CCNJL: variants seen among roughly 807,000 people sequenced by gnomAD.
The protein encoded by CCNJL is cyclin-J-like protein.
In CCNJL, 33 loss-of-function variants were observed where a neutral mutation model predicts 33.4. The ratio of observed to expected loss-of-function variants is 0.99; its 90% confidence interval spans 0.75 to 1.32. The LOEUF is 1.32. CCNJL is among the 40% of genes most tolerant of loss of function. The probability of loss-of-function intolerance (pLI) is 0.00; values close to 1 mark genes in which losing one functional copy is unlikely to be tolerated. For synonymous variants in CCNJL, 227 were observed against 220.9 expected, an observed-to-expected ratio of 1.03 and a Z score of -0.24; for missense variants, 512 against 499.7, an observed-to-expected ratio of 1.02 and a Z score of -0.23.
intron 2 of CCNJL, among the ~76,000 whole-genome samples, chr5:160,287,021 C>T (rs1190579140): frequency 6.6e-6 from 1 of 152,152 alleles, no homozygotes; most frequent in African/African-American, 2.4e-5. Flanking sequence ...GTACCAACCA[C>T]CTCACCTCCC....
intron 2 of CCNJL, among the ~76,000 whole-genome samples, chr5:160,309,318 G>C (rs375944097): frequency 4.6e-5 from 7 of 152,330 alleles, no homozygotes; most frequent in African/African-American, 1.7e-4. Flanking sequence ...TATGATGCCA[G>C]ACTGGAATCT....
rs745427095 is a variant in CCNJL, at chr5:160,301,437, CT to C, written c.66+10420del. Among the ~76,000 whole-genome samples, 416 of 144,252 alleles carry C rather than the reference CT, an allele frequency of 2.9e-3. 1 individual carries two copies. Among genetic ancestry groups the C allele is most frequent in the Middle Eastern group, 0.011 (3 of 270 alleles). The allele number at this position is 144,252 out of a possible 152,430, so 94.6% of individuals were successfully genotyped here. A position where few individuals can be genotyped will look rare whatever the true frequency, so the allele number is the denominator to read the frequency against. ...CTAGGTTGATGGCAATGGCCTATGTCTTTTTTTTTTTTTTGAGATGGAGTCT... is the reference window on the plus strand; with the variant it reads ...CTAGGTTGATGGCAATGGCCTATGTCTTTTTTTTTTTTTGAGATGGAGTCT... On this transcript the variant is annotated intron_variant, in intron 2 of 5. Transcript: ENST00000257536.
At chr5:160,286,290 T>A (rs1437561634) in intron 2 of CCNJL, among the ~76,000 whole-genome samples, 1 of 152,202 alleles carries the variant, frequency 6.6e-6, no homozygotes. Flanking sequence ...TACGTGTTCC[T>A]GGGAGAAGCG....
rs927357852 is a variant in CCNJL, at chr5:160,255,535, G to A, written c.743+14C>T. 2 of 1,613,272 alleles carry A rather than the reference G, an allele frequency of 1.2e-6. No homozygotes were observed. Among genetic ancestry groups the A allele is most frequent in the African/African-American group, 1.3e-5 (1 of 74,910 alleles). ...CACTATTTCAGAAACACAGGATTCA[G>A]GGGAGAAACTTACACCAGCAGGATT... On this transcript the variant is annotated intron_variant, in intron 5 of 5. Coordinates refer to ENST00000257536, the MANE Select transcript of CCNJL (RefSeq NM_001308173.3).
In CCNJL at chr5:160,280,706, G is replaced by C. The variant is rs1224115409; in HGVS notation, c.99C>G (p.Ser33=). 5 of 1,610,980 alleles carry C rather than the reference G, an allele frequency of 3.1e-6. No homozygotes were observed. Among genetic ancestry groups the C allele is most frequent in the Non-Finnish European group, 4.2e-6 (5 of 1,178,778 alleles). Residue 33 remains serine (S), a synonymous_variant, in exon 3 of 6, where the codon TCC becomes TCG. Transcript: ENST00000257536. ...ELKLPTFRAH[S]PLLKSRRFFV... ...AGAACCGGCGGCTCTTCAGGAGTGGGGAGTGGGCTCGGAAGGTGGGCAGCT... is the reference window on the plus strand; with the variant it reads ...AGAACCGGCGGCTCTTCAGGAGTGGCGAGTGGGCTCGGAAGGTGGGCAGCT...
At chr5:160,304,743 T>C (rs1392144660) in intron 2 of CCNJL, among the ~76,000 whole-genome samples, 1 of 151,638 alleles carries the variant, frequency 6.6e-6, no homozygotes, top group Admixed American at 6.6e-5. Flanking sequence ...GGGAAGGGAA[T>C]GGAAAAACCA....
chr5:160,258,979 C>T (rs553939896), intron 4 of CCNJL, among the ~76,000 whole-genome samples: 14 of 152,272 alleles, frequency 9.2e-5, no homozygotes, highest in Admixed American at 2.0e-4. Context: ...CTACCGCGCC[C>T]GCCCCTATCA....
rs1172124948 is a variant in CCNJL, at chr5:160,275,585, A to G, written c.280+4940T>C. 3.9e-5 allele frequency among the ~76,000 whole-genome samples: 6 copies of G among 152,154 alleles called. 1 individual carries two copies. The highest frequency in any genetic ancestry group is 3.9e-4 in the Admixed American group (6 of 15,260). ...CTTCAACCTCCACCTCCTGGGCTCA[A>G]GAGTTCCTCCCACCTCAGCCTCCCA... On this transcript the variant is annotated intron_variant, in intron 3 of 5. Coordinates refer to ENST00000257536, the MANE Select transcript of CCNJL (RefSeq NM_001308173.3).
intron 2 of CCNJL, among the ~76,000 whole-genome samples, chr5:160,309,819 A>G (rs1433505797): frequency 1.3e-5 from 2 of 152,238 alleles, no homozygotes; most frequent in African/African-American, 2.4e-5. Flanking sequence ...CTTTAAGTCA[A>G]GGTTGACCTT....
At chr5:160,297,760 G>A (rs1256997575) in intron 2 of CCNJL, among the ~76,000 whole-genome samples, 3 of 151,860 alleles carry the variant, frequency 2.0e-5, no homozygotes, top group African/African-American at 7.3e-5. Flanking sequence ...AATATAAATA[G>A]AGAAAAAGAA....
At chr5:160,262,845 G>A (rs1042379376) in intron 3 of CCNJL, among the ~76,000 whole-genome samples, 4 of 152,222 alleles carry the variant, frequency 2.6e-5, no homozygotes, top group Non-Finnish European at 5.9e-5. Flanking sequence ...GGGACTGTGA[G>A]TGGGGCTGGC....
rs1763269545 is a variant in CCNJL at position 160,311,844 on chromosome 5, A to C, written c.66+14T>G. The C allele has an allele frequency of 1.2e-6, 2 of 1,611,768 alleles. No individual in the cohort carries two copies. Among genetic ancestry groups the C allele is most frequent in the Non-Finnish European group, 1.7e-6 (2 of 1,177,930 alleles). The stretch of plus-strand genomic sequence containing the variant: ...ACCCAGTCTTGAGAGTGACAAGGGC[A>C]GGGAGGGACTGACCTTCTCGCGCAG... On this transcript the variant is annotated intron_variant, in intron 2 of 5. Transcript: ENST00000257536.
chr5:160,255,531 T>C lies in CCNJL; in HGVS notation c.743+18A>G, dbSNP rs1172773731. Reference sequence around the variant, plus strand: ...ACCTCACTATTTCAGAAACACAGGATTCAGGGGAGAAACTTACACCAGCAG... The same window carrying C: ...ACCTCACTATTTCAGAAACACAGGACTCAGGGGAGAAACTTACACCAGCAG... On this transcript the variant is annotated intron_variant, in intron 5 of 5. Coordinates refer to ENST00000257536, the MANE Select transcript of CCNJL (RefSeq NM_001308173.3). 6.2e-7 allele frequency: 1 copy of C among 1,612,924 alleles called. No individual in the cohort carries two copies. Among genetic ancestry groups the C allele is most frequent in the Non-Finnish European group, 8.5e-7 (1 of 1,179,090 alleles).
At chr5:160,293,106 G>C (rs974493138) in intron 2 of CCNJL, among the ~76,000 whole-genome samples, 3 of 152,208 alleles carry the variant, frequency 2.0e-5, no homozygotes, top group African/African-American at 7.2e-5. Context: ...GTTTAGGTTT[G>C]TTTGTATTTT....
chr5:160,270,840 T>C (rs1394072844), intron 3 of CCNJL, among the ~76,000 whole-genome samples: 2 of 152,194 alleles, frequency 1.3e-5, no homozygotes, highest in African/African-American at 4.8e-5. Flanking sequence ...AAGCCAGAGC[T>C]AGCAGAATAA....
chr5:160,314,973 CTG>C (rs1435979252), upstream of CCNJL, among the ~76,000 whole-genome samples: 11 of 152,220 alleles, frequency 7.2e-5, no homozygotes, highest in African/African-American at 2.6e-4. Context: ...ACATTTTAAA[CTG>C]TATTATTTGA....
chr5:160,269,579 C>T lies in CCNJL; in HGVS notation c.281-9808G>A, dbSNP rs73308666. 9.9e-3 allele frequency: 4,341 copies of T among 437,900 alleles called. 143 individuals carry two copies. The highest frequency in any genetic ancestry group is 0.081 in the African/African-American group (3,992 of 49,376). The allele number at this position is 437,900 out of a possible 1,614,324, so 27.1% of individuals were successfully genotyped here. A position where few individuals can be genotyped will look rare whatever the true frequency, so the allele number is the denominator to read the frequency against. ...GAACAGGGAGAAGGAAAAGGAGAGG[C>T]CATCTTGGGTACCGCCCTTGTGGTT... On this transcript the variant is annotated intron_variant, in intron 3 of 5. Coordinates refer to ENST00000257536, the MANE Select transcript of CCNJL (RefSeq NM_001308173.3).
chr5:160,304,657 T>G (rs991741796), intron 2 of CCNJL, among the ~76,000 whole-genome samples: 2 of 152,100 alleles, frequency 1.3e-5, no homozygotes, highest in Non-Finnish European at 2.9e-5. Flanking sequence ...TGGAACACTT[T>G]CTTTTTGGTA....
rs1760899018 is a variant in CCNJL at position 160,253,453 on chromosome 5, G to A, written c.1089C>T (p.His363=). The A allele has an allele frequency of 6.2e-7, 1 of 1,613,024 alleles. No homozygotes were observed. Among genetic ancestry groups the A allele is most frequent in the Non-Finnish European group, 8.5e-7 (1 of 1,179,374 alleles). ...MHMAIAAEPR[H]CLATTYGSSY... is the part of the protein sequence containing the mutation. Reference sequence around the variant, plus strand: ...TGCTTCCATAGGTGGTGGCGAGGCAGTGCCTGGGCTCAGCTGCAATGGCCA... The same window carrying A: ...TGCTTCCATAGGTGGTGGCGAGGCAATGCCTGGGCTCAGCTGCAATGGCCA... The change falls in exon 6 of 6, where the codon CAC becomes CAT. Residue 363 remains histidine (H), a synonymous_variant. Coordinates refer to ENST00000257536, the MANE Select transcript of CCNJL (RefSeq NM_001308173.3).
Sources: gnomAD v4.1 joint callset for allele counts (sites outside exome capture counted in the v4.1 genomes callset) on GRCh38, gnomAD v4.1.1 for gene constraint, MANE v1.5 for transcripts, NCBI Gene and HGNC (gene_info 2026-07-23, HGNC 2026-07-21) for gene names.